ZNF626: variants seen among roughly 807,000 people sequenced by gnomAD.
ZNF626 encodes zinc finger protein 626.
ZNF626 carries 4 observed loss-of-function variants against 11.7 expected under a neutral mutation model. The observed-to-expected ratio is 0.34, with a 90% CI of 0.17 to 0.78. The LOEUF is 0.78. Ranked by LOEUF, ZNF626 falls within the 30% of genes least tolerant of loss-of-function variation. The probability of loss-of-function intolerance (pLI) is 0.57; values close to 1 mark genes in which losing one functional copy is unlikely to be tolerated. For missense variants in ZNF626, 588 were observed against 587.1 expected, an observed-to-expected ratio of 1.00 and a Z score of -0.01; for synonymous variants, 179 against 198.6, an observed-to-expected ratio of 0.90 and a Z score of 0.83.
At chr19:20,635,380 T>C (rs1354487118) in intron 3 of ZNF626, among the ~76,000 whole-genome samples, 1 of 152,232 alleles carries the variant, frequency 6.6e-6, no homozygotes, top group Non-Finnish European at 1.5e-5. Flanking sequence ...AAAACTGCAG[T>C]GGCATTATCT....
At chr19:20,658,271 G>A (rs1338341203) in intron 1 of ZNF626, among the ~76,000 whole-genome samples, 2 of 152,130 alleles carry the variant, frequency 1.3e-5, no homozygotes, top group East Asian at 3.9e-4. Context: ...TTAGGTTGGT[G>A]GAAAAAACAG....
chr19:20,651,591 AAAG>A, intron 1 of ZNF626, among the ~76,000 whole-genome samples: 1 of 152,296 alleles, frequency 6.6e-6, no homozygotes, highest in South Asian at 2.1e-4. Flanking sequence ...TTACACTGAG[AAAG>A]AAGCAGAATT....
At chr19:20,660,925 G>A (rs1483206014) in intron 1 of ZNF626, among the ~76,000 whole-genome samples, 1 of 151,970 alleles carries the variant, frequency 6.6e-6, no homozygotes, top group African/African-American at 2.4e-5. Context: ...CTTATGACCA[G>A]AAAGTTGAGT....
intron 3 of ZNF626, among the ~76,000 whole-genome samples, chr19:20,629,719 T>C (rs1380592994): frequency 3.3e-5 from 5 of 152,214 alleles, no homozygotes; most frequent in Non-Finnish European, 5.9e-5. Context: ...TCATGTCATC[T>C]GCAAACAGGG....
At position 20,631,296 on chromosome 19, in the gene ZNF626, G is replaced by C. The variant is rs181645208; in HGVS notation, c.227-5646C>G. ...CTATAAATGTCTATTAGGTCCTCTT[G>C]GTGCAGAGCTGAGTTCAATTCCTGG... On this transcript the variant is annotated intron_variant, in intron 3 of 3. Transcript: ENST00000601440. Among the ~76,000 whole-genome samples the C allele has an allele frequency of 3.5e-3, 533 of 152,124 alleles. 3 individuals are homozygous for C. Among genetic ancestry groups the C allele is most frequent in the African/African-American group, 0.011 (466 of 41,476 alleles).
Position 20,650,670 on chromosome 19 carries a change from T to A in ZNF626, c.4-4265A>T, listed in dbSNP as rs1248937526. On this transcript the variant is annotated intron_variant, in intron 1 of 3. Coordinates refer to ENST00000601440, the MANE Select transcript of ZNF626 (RefSeq NM_001076675.3). ...CAGAACTGGGTCAGGAAGTGGACCC[T>A]ATGTAGAATTCTGTTCTCTATGTCA... Among the ~76,000 whole-genome samples, 4 of 152,170 alleles carry A rather than the reference T, an allele frequency of 2.6e-5. No individual in the cohort carries two copies. In the South Asian group the frequency reaches 6.2e-4, roughly 24 times the overall value.
intron 3 of ZNF626, among the ~76,000 whole-genome samples, chr19:20,640,572 G>T (rs1555771323): frequency 1.3e-5 from 2 of 149,928 alleles, no homozygotes; most frequent in African/African-American, 4.9e-5. Context: ...ATTTAGAAAT[G>T]GACAAATGAA....
chr19:20,643,463 T>C (rs77985679), intron 3 of ZNF626, among the ~76,000 whole-genome samples: 3,526 of 152,214 alleles, frequency 0.023, 68 homozygotes, highest in Non-Finnish European at 0.034. Flanking sequence ...TTAGTAACTA[T>C]TTTCATAAAT....
chr19:20,653,505 TC>T (rs1970169635), intron 1 of ZNF626, among the ~76,000 whole-genome samples: 1 of 151,958 alleles, frequency 6.6e-6, no homozygotes, highest in African/African-American at 2.4e-5. Context: ...AATAAACTTT[TC>T]ACCTCTTTAT....
In ZNF626 at chr19:20,625,477, T is replaced by A. The variant is rs1969817344; in HGVS notation, c.400A>T (p.Asn134Tyr). Residue 134 changes from asparagine (N) to tyrosine (Y), a missense_variant, in exon 4 of 4, where the codon AAC becomes TAC. Asn to Tyr is a moderately radical substitution (Grantham distance 143). Transcript: ENST00000601440. Reference sequence around the variant, plus strand: ...CTTGGGGTAGTTGTCAAACATTGGTTAAGTTCATTATAACCTTCTTTGTGC... The same window carrying A: ...CTTGGGGTAGTTGTCAAACATTGGTAAAGTTCATTATAACCTTCTTTGTGC... The part of the protein sequence containing the change: ...KVHKEGYNEL[N>Y]QCLTTTPRKI... The A allele has an allele frequency of 1.2e-6, 2 of 1,613,992 alleles. No homozygotes were observed. Among genetic ancestry groups the A allele is most frequent in the Non-Finnish European group, 1.7e-6 (2 of 1,179,990 alleles).
intron 3 of ZNF626, among the ~76,000 whole-genome samples, chr19:20,633,556 G>A (rs1306619599): frequency 6.6e-6 from 1 of 152,222 alleles, no homozygotes; most frequent in Non-Finnish European, 1.5e-5. Context: ...TGCTAGCAAT[G>A]AGTGAGACTC....
At chr19:20,629,595 A>G (rs1244560180) in intron 3 of ZNF626, among the ~76,000 whole-genome samples, 5 of 152,200 alleles carry the variant, frequency 3.3e-5, no homozygotes, top group Admixed American at 2.0e-4. Flanking sequence ...TTATTGGTAT[A>G]TAAGAATGCT....
In ZNF626 at chr19:20,652,808, C is replaced by T. The variant is rs1555772696; in HGVS notation, c.4-6403G>A. On this transcript the variant is annotated intron_variant, in intron 1 of 3. Coordinates refer to ENST00000601440, the MANE Select transcript of ZNF626 (RefSeq NM_001076675.3). ...TTTAGGGCTTGAGTGGCTGGAGTAG[C>T]ACGCATGTTACCTGCACATTTGTGA... 2.6e-5 allele frequency among the ~76,000 whole-genome samples: 4 copies of T among 152,198 alleles called. No homozygotes were observed. In the East Asian group the frequency reaches 7.7e-4, roughly 29 times the overall value.
intron 3 of ZNF626, among the ~76,000 whole-genome samples, chr19:20,639,191 C>T (rs921889237): frequency 6.6e-6 from 1 of 152,090 alleles, no homozygotes. Flanking sequence ...TTTTTGGTTA[C>T]CAAGAAAATG....
chr19:20,636,498 T>C (rs193224401), intron 3 of ZNF626, among the ~76,000 whole-genome samples: 6 of 151,890 alleles, frequency 4.0e-5, no homozygotes, highest in African/African-American at 1.4e-4. Flanking sequence ...AGTAGATCAA[T>C]GTATTCATGA....
intron 3 of ZNF626, among the ~76,000 whole-genome samples, chr19:20,630,174 G>A (rs1444349181): frequency 6.6e-6 from 1 of 152,008 alleles, no homozygotes; most frequent in Non-Finnish European, 1.5e-5. Flanking sequence ...TGCTGGATTC[G>A]GTTTGCCAGT....
intron 3 of ZNF626, among the ~76,000 whole-genome samples, chr19:20,630,957 G>A (rs1351143783): frequency 9.2e-5 from 14 of 151,618 alleles, no homozygotes; most frequent in African/African-American, 2.9e-4. Context: ...GTGTCCCAGA[G>A]ATTCTGGTAT....
At chr19:20,652,846 G>A (rs529801289) in intron 1 of ZNF626, among the ~76,000 whole-genome samples, 1 of 152,264 alleles carries the variant, frequency 6.6e-6, no homozygotes, top group Admixed American at 6.5e-5. Flanking sequence ...TTTTTAGCAA[G>A]AGAAGGAAGA....
Position 20,646,381 on chromosome 19 carries a change from C to T in ZNF626, c.28G>A (p.Ala10Thr), listed in dbSNP as rs925699495. MGPLQFRDV[A>T]IEFSLEEWHC... ...CACTCCTCCAGAGAGAATTCTATGG[C>T]CACATCTCTAAATTGCAATGGTCCC... The change falls in exon 2 of 4, where the codon GCC (alanine) becomes ACC (threonine). Residue 10 changes from alanine (A) to threonine (T), a missense_variant. Physicochemically the swap from Ala to Thr is moderately conservative, Grantham distance 58. Around this residue, in one of 4 missense-constraint regions of ZNF626, gnomAD observed 524 missense variants for 470.1 expected, o/e 1.11. Transcript: ENST00000601440. The T allele has an allele frequency of 1.2e-6, 2 of 1,614,066 alleles. No homozygotes were observed. Among genetic ancestry groups the T allele is most frequent in the South Asian group, 1.1e-5 (1 of 91,070 alleles).
Sources: allele counts gnomAD v4.1 joint callset (sites outside exome capture counted in the v4.1 genomes callset), GRCh38; gene constraint gnomAD v4.1.1; regional missense constraint gnomAD v4.1.1; transcripts MANE v1.5; gene names NCBI Gene and HGNC (gene_info 2026-07-23, HGNC 2026-07-21).